Variants in FSIP2 observed in about 807,000 individuals in gnomAD.
FSIP2 encodes fibrous sheath-interacting protein 2.
Under a neutral mutation model 510.5 loss-of-function variants are expected in FSIP2, and 367 were observed. The observed-to-expected ratio is 0.72, with a 90% CI of 0.66 to 0.78. The LOEUF is 0.78. Ranked by LOEUF, FSIP2 falls within the 30% of genes least tolerant of loss-of-function variation. The probability of loss-of-function intolerance (pLI) is 0.00; values close to 1 mark genes in which losing one functional copy is unlikely to be tolerated. For synonymous variants in FSIP2, 2,601 were observed against 2,732.2 expected, an observed-to-expected ratio of 0.95 and a Z score of 1.50; for missense variants, 7,594 against 7,901.7, an observed-to-expected ratio of 0.96 and a Z score of 1.48.
chr2:185,759,418 ATT>A (rs1202880483), intron 9 of FSIP2, among the ~76,000 whole-genome samples: 1 of 143,610 alleles, frequency 7.0e-6, no homozygotes, highest in Non-Finnish European at 1.5e-5. Flanking sequence ...TATAATATAT[ATT>A]ATTAACATAT....
At chr2:185,828,053 A>G (rs998163251) in intron 20 of FSIP2, 103 bp from the exon 21 acceptor site, 1 of 710,486 alleles carries the variant, frequency 1.4e-6, no homozygotes, top group South Asian at 1.8e-5. Flanking sequence ...CCTAAACTAT[A>G]TGATTCTTTG....
chr2:185,821,009 TAAAAAAAAAAAAA>T (rs59331328), intron 19 of FSIP2, among the ~76,000 whole-genome samples: 14 of 74,960 alleles, frequency 1.9e-4, no homozygotes, highest in African/African-American at 5.4e-4. Flanking sequence ...GTTGGTTCGT[TAAAAAAAAAAAAA>T]AAAAAAAAAA....
chr2:185,808,481 A>C lies in FSIP2; in HGVS notation c.19175A>C (p.Glu6392Ala). ...ASQLSKLVTA[E>A]ISRSSISLIA... ...CAACTGTCAAAATTGGTAACAGCTG[A>C]AATTTCCAGAAGTAGCATTAGTCTA... is the stretch of plus-strand genomic sequence containing the variant. Residue 6392 changes from glutamate (E) to alanine (A), a missense_variant, in exon 17 of 23, where the codon GAA becomes GCA. By Grantham distance (107) the Glu-to-Ala change is moderately radical (BLOSUM62 -1). Coordinates refer to ENST00000424728, the MANE Select transcript of FSIP2 (RefSeq NM_173651.4). 1 of 1,607,904 alleles carries C rather than the reference A, an allele frequency of 6.2e-7. No individual in the cohort carries two copies. The highest frequency in any genetic ancestry group is 8.5e-7 in the Non-Finnish European group (1 of 1,177,970).
intron 1 of FSIP2, 148 bp downstream of exon 1, chr2:185,739,141 G>A: frequency 8.2e-7 from 1 of 1,215,354 alleles, no homozygotes; most frequent in Non-Finnish European, 1.1e-6. Context: ...GGGCGGTGGC[G>A]GTGGCTCGGA....
intron 13 of FSIP2, chr2:185,766,164 A>G (rs559343619): frequency 7.2e-5 from 11 of 152,232 alleles, no homozygotes; most frequent in African/African-American, 2.6e-4. Context: ...ACAAAAATCA[A>G]TTCAAGATGG....
intron 5 of FSIP2, 95 bp downstream of exon 5, chr2:185,745,663 A>T (rs986055190): frequency 9.9e-7 from 1 of 1,008,820 alleles, no homozygotes; most frequent in African/African-American, 1.7e-5. Flanking sequence ...TAAGTACTGG[A>T]CACCATTCTC....
In FSIP2 at chr2:185,804,840, T is replaced by G; in HGVS notation, c.15534T>G (p.Asn5178Lys). The G allele has an allele frequency of 6.5e-7, 1 of 1,531,242 alleles. No homozygotes were observed. Among genetic ancestry groups the G allele is most frequent in the Non-Finnish European group, 8.7e-7 (1 of 1,144,472 alleles). 94.9% of individuals were successfully genotyped at this position (1,531,242 alleles called of 1,614,324 possible). ...HEIRLSMAED[N>K]AESMQLEPIE... ...TTCGACTTTCCATGGCAGAGGATAA[T>G]GCAGAAAGTATGCAGTTAGAACCTA... Residue 5178 changes from asparagine to lysine, a missense_variant, in exon 17 of 23, where the codon AAT (asparagine) becomes AAG (lysine). By Grantham distance (94) the Asn-to-Lys change is moderately conservative. Coordinates refer to ENST00000424728, the MANE Select transcript of FSIP2 (RefSeq NM_173651.4).
At chr2:185,812,785 A>T (rs1470247721) in intron 17 of FSIP2, among the ~76,000 whole-genome samples, 2 of 152,086 alleles carry the variant, frequency 1.3e-5, no homozygotes, top group African/African-American at 4.8e-5. Flanking sequence ...ATATTTTGTT[A>T]TTGCAGATAT....
At chr2:185,739,163 G>A (rs1691867776) in intron 1 of FSIP2, 170 bp downstream of exon 1, 3 of 1,145,676 alleles carry the variant, frequency 2.6e-6, no homozygotes, top group Non-Finnish European at 3.6e-6. Flanking sequence ...TGTACCGGCC[G>A]CAACTGGCAG....
chr2:185,751,486 T>TGTGTGTGCGC lies in FSIP2; in HGVS notation c.871-2229_871-2228insCGCGTGTGTG, dbSNP rs1553493309. 8.2e-3 allele frequency among the ~76,000 whole-genome samples: 1,227 copies of TGTGTGTGCGC among 149,666 alleles called. 9 individuals carry two copies. The highest frequency in any genetic ancestry group is 0.019 in the African/African-American group (762 of 41,032). On this transcript the variant is annotated intron_variant, in intron 7 of 22. Transcript: ENST00000424728. ...CTGTGTGTGTGTGTGTGTGTGTGTG[T>TGTGTGTGCGC]GTGTGTGTGTGTGGTTACTACTCAT... is the stretch of plus-strand genomic sequence containing the variant.
rs1559029650 is a variant in FSIP2, at chr2:185,796,071, C to G, written c.8935C>G (p.Gln2979Glu). 5 of 1,531,410 alleles carry G rather than the reference C, an allele frequency of 3.3e-6. No homozygotes were observed. The highest frequency in any genetic ancestry group is 3.5e-6 in the Non-Finnish European group (4 of 1,145,198). The allele number at this position is 1,531,410 out of a possible 1,614,324, so 94.9% of individuals were successfully genotyped here. Residue 2979 changes from glutamine to glutamate, a missense_variant, in exon 16 of 23, where the codon CAA becomes GAA. Coordinates refer to ENST00000424728, the MANE Select transcript of FSIP2 (RefSeq NM_173651.4). ...AATCTATAACACAAAGACAAAAGAC[C>G]AAATTTCTGTGGGCTCCAGCAACCA... is the stretch of plus-strand genomic sequence containing the variant. ...LPIYNTKTKD[Q>E]ISVGSSNQIV...
intron 2 of FSIP2, among the ~76,000 whole-genome samples, chr2:185,741,852 T>TA (rs1280947668): frequency 1.3e-5 from 2 of 152,200 alleles, no homozygotes; most frequent in African/African-American, 4.8e-5. Flanking sequence ...CAAAGCATTC[T>TA]CCTACCTACC....
At position 185,795,300 on chromosome 2, in the gene FSIP2, G is replaced by A. The variant is rs1693240708; in HGVS notation, c.8164G>A (p.Ala2722Thr). The change falls in exon 16 of 23, where the codon GCC becomes ACC. Residue 2722 changes from alanine (A) to threonine (T), a missense_variant. By Grantham distance (58) the Ala-to-Thr change is moderately conservative. Transcript: ENST00000424728. ...GLSHIMSAGD[A>T]KNLLDTKLPT... ...GTCACACATCATGTCAGCTGGAGAT[G>A]CCAAAAATTTACTGGACACAAAATT... The A allele has an allele frequency of 6.5e-7, 1 of 1,534,904 alleles. No individual in the cohort carries two copies. The highest frequency in any genetic ancestry group is 2.0e-5 in the Admixed American group (1 of 50,876).
chr2:185,791,075 C>A lies in FSIP2; in HGVS notation c.3939C>A (p.His1313Gln), dbSNP rs1006210366. Residue 1313 changes from histidine to glutamine, a missense_variant, in exon 16 of 23, where the codon CAC becomes CAA. His to Gln is a conservative substitution (Grantham distance 24). Transcript: ENST00000424728. The part of the protein sequence containing the change: ...LCAIQNELEL[H>Q]KENLNLREID... The stretch of plus-strand genomic sequence containing the variant: ...CTATCCAGAATGAACTGGAACTTCA[C>A]AAGGAAAACCTAAATCTTAGGGAGA... 5.1e-5 allele frequency: 78 copies of A among 1,531,604 alleles called. 1 individual carries two copies. The highest frequency in any genetic ancestry group is 6.1e-5 in the Non-Finnish European group (70 of 1,144,648). The allele number at this position is 1,531,604 out of a possible 1,614,324, so 94.9% of individuals were successfully genotyped here.
At chr2:185,738,230 C>T (rs1691826014), upstream of FSIP2, 1 of 252,490 alleles carries the variant, frequency 4.0e-6, no homozygotes, top group African/African-American at 2.3e-5. Flanking sequence ...GGCCCAGAAG[C>T]GTCAAGCACT....
At chr2:185,739,659 A>C (rs1691882493) in intron 2 of FSIP2, among the ~76,000 whole-genome samples, 188 bp downstream of exon 2, 1 of 152,238 alleles carries the variant, frequency 6.6e-6, no homozygotes, top group Non-Finnish European at 1.5e-5. Flanking sequence ...TGGTTTGGAC[A>C]TAATCATATT....
At position 185,807,426 on chromosome 2, in the gene FSIP2, G is replaced by A; in HGVS notation, c.18120G>A (p.Leu6040=). The A allele has an allele frequency of 6.2e-7, 1 of 1,610,892 alleles. No homozygotes were observed. Among genetic ancestry groups the A allele is most frequent in the Non-Finnish European group, 8.5e-7 (1 of 1,179,008 alleles). ...AAACAAAAGAACCTGAGGACAATTT[G>A]TCCACAGAACTGAATTTCCTTCAAA... The part of the protein sequence containing the change: ...STKTKEPEDN[L]STELNFLQMK... The change falls in exon 17 of 23, where the codon TTG becomes TTA. Residue 6040 remains leucine, a synonymous_variant. Transcript: ENST00000424728.
chr2:185,753,856 C>A lies in FSIP2; in HGVS notation c.991+14C>A. On this transcript the variant is annotated intron_variant, in intron 8 of 22. Coordinates refer to ENST00000424728, the MANE Select transcript of FSIP2 (RefSeq NM_173651.4). ...ATGGAACACATGGTGAATGTGAGAA[C>A]ATTAAAAGATGATGTAGCTAAGTAG... 1 of 1,431,058 alleles carries A rather than the reference C, an allele frequency of 7.0e-7. No homozygotes were observed. The highest frequency in any genetic ancestry group is 2.6e-5 in the East Asian group (1 of 38,290). 88.6% of individuals were successfully genotyped at this position (1,431,058 alleles called of 1,614,324 possible).
intron 19 of FSIP2, among the ~76,000 whole-genome samples, chr2:185,823,101 C>T (rs1419306325): frequency 6.6e-6 from 1 of 151,700 alleles, no homozygotes; most frequent in East Asian, 2.0e-4. Context: ...ACTAAAAAAA[C>T]TTTTGTTGGA....
Sources: allele counts gnomAD v4.1 joint callset (sites outside exome capture counted in the v4.1 genomes callset), GRCh38; gene constraint gnomAD v4.1.1; transcripts MANE v1.5; gene names NCBI Gene and HGNC (gene_info 2026-07-23, HGNC 2026-07-21).